Variants in GDAP2 observed in about 807,000 individuals in gnomAD.
GDAP2 encodes the protein ganglioside-induced differentiation-associated protein 2.
A neutral mutation model predicts 67.0 loss-of-function variants in GDAP2; 51 were observed. The ratio of observed to expected loss-of-function variants is 0.76; its 90% CI spans 0.61 to 0.96. The LOEUF (loss-of-function observed/expected upper bound fraction) is 0.96. GDAP2 is among the 40% of genes least tolerant of loss of function. GDAP2 has a pLI of 0.00. For synonymous variants in GDAP2, 203 were observed against 207.3 expected, an observed-to-expected ratio of 0.98 and a Z score of 0.18; for missense variants, 547 against 588.3, an observed-to-expected ratio of 0.93 and a Z score of 0.73.
intron 1 of GDAP2, among the ~76,000 whole-genome samples, chr1:117,928,739 G>A (rs1226041691): frequency 1.3e-5 from 2 of 152,302 alleles, no homozygotes; most frequent in East Asian, 3.9e-4. Context: ...CAGATACCTT[G>A]TTCAAGAAGC....
At position 117,867,281 on chromosome 1, in the gene GDAP2, A is replaced by G. The variant is rs752329398; in HGVS notation, c.*3288T>C. 2 of 152,148 alleles carry G rather than the reference A, an allele frequency of 1.3e-5. No homozygotes were observed. The highest frequency in any genetic ancestry group is 2.9e-5 in the Non-Finnish European group (2 of 68,040). The allele number at this position is 152,148 out of a possible 1,614,324, so 9.4% of individuals were successfully genotyped here. A position where few individuals can be genotyped will look rare whatever the true frequency, so the allele number is the denominator to read the frequency against. Reference sequence around the variant, plus strand: ...ACTTATCCCTCTTTAAAAAGAAGTGATATTTTCAATTTCAGAAATTTGATT... The same window carrying G: ...ACTTATCCCTCTTTAAAAAGAAGTGGTATTTTCAATTTCAGAAATTTGATT... On this transcript the variant is annotated 3_prime_UTR_variant, in exon 14 of 14. Coordinates refer to ENST00000369443, the MANE Select transcript of GDAP2 (RefSeq NM_017686.4).
intron 1 of GDAP2, 89 bp downstream of exon 1, chr1:117,929,359 C>T (rs1335701589): frequency 6.6e-6 from 1 of 152,630 alleles, no homozygotes; most frequent in Non-Finnish European, 1.5e-5. Flanking sequence ...GCCTGCAATC[C>T]TGACCAGGGC....
chr1:117,921,919 A>G (rs1201714316), intron 1 of GDAP2, among the ~76,000 whole-genome samples: 1 of 152,214 alleles, frequency 6.6e-6, no homozygotes, highest in Non-Finnish European at 1.5e-5. Context: ...TATAGACAGT[A>G]GGGAGAAAGA....
At chr1:117,925,238 A>G (rs934626289) in intron 1 of GDAP2, among the ~76,000 whole-genome samples, 9 of 152,154 alleles carry the variant, frequency 5.9e-5, no homozygotes, top group African/African-American at 2.2e-4. Flanking sequence ...AGATCACTTG[A>G]GCCCAGGAGT....
At chr1:117,906,218 G>A (rs1485391918) in intron 6 of GDAP2, among the ~76,000 whole-genome samples, 1 of 152,196 alleles carries the variant, frequency 6.6e-6, no homozygotes, top group East Asian at 1.9e-4. Flanking sequence ...CTTAGAAGGT[G>A]TTGCTTTGAG....
At chr1:117,896,555 G>T in intron 8 of GDAP2, 1 of 260,938 alleles carries the variant, frequency 3.8e-6, no homozygotes, top group South Asian at 1.7e-4. Context: ...TATAAACCTC[G>T]CATGGAGGCA....
chr1:117,911,999 G>A lies in GDAP2; in HGVS notation c.554C>T (p.Ala185Val). The part of the protein sequence containing the change: ...GYPLEDATHI[A>V]LRTVRRFLEI... Reference sequence around the variant, plus strand: ...GCATCTCTGATATTACTTACGAAGTGCTATGTGTGTTGCATCCTCTAAAGG... The same window carrying A: ...GCATCTCTGATATTACTTACGAAGTACTATGTGTGTTGCATCCTCTAAAGG... Residue 185 changes from alanine to valine, a missense_variant, in exon 5 of 14, where the codon GCA (alanine) becomes GTA (valine). By Grantham distance (64) the Ala-to-Val change is moderately conservative. Coordinates refer to ENST00000369443, the MANE Select transcript of GDAP2 (RefSeq NM_017686.4). 6.5e-7 allele frequency: 1 copy of A among 1,549,130 alleles called. No homozygotes were observed. Among genetic ancestry groups the A allele is most frequent in the Non-Finnish European group, 8.9e-7 (1 of 1,120,938 alleles).
chr1:117,887,120 G>A (rs1648883460), intron 9 of GDAP2, among the ~76,000 whole-genome samples: 1 of 151,840 alleles, frequency 6.6e-6, no homozygotes, highest in Admixed American at 6.6e-5. Context: ...TGTAGAGATG[G>A]GGTCTCACCA....
chr1:117,877,958 G>C lies in GDAP2; in HGVS notation c.1446+51C>G, dbSNP rs371709113. 9.4e-6 allele frequency: 15 copies of C among 1,604,150 alleles called. No individual in the cohort carries two copies. The African/African-American group carries it at 1.9e-4, about 20-fold the overall frequency. ...TTGTGCTCGTAAGTGCTGCTCTATAGAACAGTTAATATACCATACCAGGTG... is the reference window on the plus strand; with the variant it reads ...TTGTGCTCGTAAGTGCTGCTCTATACAACAGTTAATATACCATACCAGGTG... On this transcript the variant is annotated intron_variant, in intron 13 of 13. Coordinates refer to ENST00000369443, the MANE Select transcript of GDAP2 (RefSeq NM_017686.4).
intron 13 of GDAP2, among the ~76,000 whole-genome samples, chr1:117,875,897 T>G (rs988622433): frequency 6.6e-6 from 1 of 152,120 alleles, no homozygotes; most frequent in Non-Finnish European, 1.5e-5. Context: ...TAATTTGATT[T>G]TGAGTTTACA....
Position 117,911,990 on chromosome 1 carries a change from T to C in GDAP2, c.559+4A>G. ...TCATGTACAGCATCTCTGATATTAC[T>C]TACGAAGTGCTATGTGTGTTGCATC... On this transcript the variant is annotated splice_donor_region_variant and intron_variant, in intron 5 of 13. Transcript: ENST00000369443. The C allele has an allele frequency of 6.6e-7, 1 of 1,510,306 alleles. No individual in the cohort carries two copies. Among genetic ancestry groups the C allele is most frequent in the Non-Finnish European group, 9.2e-7 (1 of 1,085,684 alleles). 93.6% of individuals were successfully genotyped at this position (1,510,306 alleles called of 1,614,324 possible).
chr1:117,895,415 T>C (rs939461153), intron 8 of GDAP2, among the ~76,000 whole-genome samples: 6 of 152,270 alleles, frequency 3.9e-5, no homozygotes, highest in Non-Finnish European at 5.9e-5. Flanking sequence ...CACTGCTATC[T>C]TTCTCAATAA....
Position 117,899,004 on chromosome 1 carries a change from C to T in GDAP2, c.796+53G>A, listed in dbSNP as rs915919130. The T allele has an allele frequency of 6.8e-6, 9 of 1,331,092 alleles. No homozygotes were observed. In the Admixed American group the frequency reaches 1.0e-4, roughly 15 times the overall value. 82.5% of individuals were successfully genotyped at this position (1,331,092 alleles called of 1,614,324 possible). A position where few individuals can be genotyped will look rare whatever the true frequency, so the allele number is the denominator to read the frequency against. ...TTTCTTACTTCTTTGGTGATTGGTG[C>T]CTATTTTTGGCCCTAAGAGGGAGAT... On this transcript the variant is annotated intron_variant, in intron 7 of 13. Transcript: ENST00000369443.
At chr1:117,889,243 T>C (rs1648975428) in intron 8 of GDAP2, among the ~76,000 whole-genome samples, 1 of 152,146 alleles carries the variant, frequency 6.6e-6, no homozygotes, top group Non-Finnish European at 1.5e-5. Context: ...ATGTAATGTA[T>C]TGATATACGG....
rs1648214892 is a variant in GDAP2 at position 117,870,398 on chromosome 1, T to G, written c.*171A>C. 1.7e-6 allele frequency: 1 copy of G among 602,288 alleles called. No individual in the cohort carries two copies. Among genetic ancestry groups the G allele is most frequent in the Admixed American group, 3.4e-5 (1 of 29,140 alleles). 37.3% of individuals were successfully genotyped at this position (602,288 alleles called of 1,614,324 possible). ...GTGTGCAGTTCAGAATGGCCTACCA[T>G]TTTTAGATTGCTTATGTGCCAGAAA... On this transcript the variant is annotated 3_prime_UTR_variant, in exon 14 of 14. Coordinates refer to ENST00000369443, the MANE Select transcript of GDAP2 (RefSeq NM_017686.4).
chr1:117,888,777 T>G (rs1648958791), intron 8 of GDAP2, among the ~76,000 whole-genome samples: 1 of 152,110 alleles, frequency 6.6e-6, no homozygotes, highest in African/African-American at 2.4e-5. Context: ...CGGTGCAAAC[T>G]TACTAAAGTC....
At chr1:117,895,666 T>C (rs1262458287) in intron 8 of GDAP2, among the ~76,000 whole-genome samples, 1 of 152,210 alleles carries the variant, frequency 6.6e-6, no homozygotes, top group Admixed American at 6.5e-5. Flanking sequence ...AAGTATCATT[T>C]GACTGTGACT....
intron 8 of GDAP2, among the ~76,000 whole-genome samples, chr1:117,894,458 G>A (rs987857916): frequency 2.0e-5 from 3 of 152,044 alleles, no homozygotes; most frequent in African/African-American, 7.2e-5. Flanking sequence ...CACAAATCAA[G>A]GCAGTGGCAC....
At chr1:117,900,974 G>A (rs1461474679) in intron 6 of GDAP2, among the ~76,000 whole-genome samples, 3 of 151,984 alleles carry the variant, frequency 2.0e-5, no homozygotes, top group South Asian at 2.1e-4. Flanking sequence ...GCAAGAGAAC[G>A]GCTTGAACCT....
Sources: gnomAD v4.1 joint callset for allele counts (sites outside exome capture counted in the v4.1 genomes callset) on GRCh38, gnomAD v4.1.1 for gene constraint, MANE v1.5 for transcripts, NCBI Gene and HGNC (gene_info 2026-07-23, HGNC 2026-07-21) for gene names.